The following ARHGEF4 variants were observed in gnomAD, a reference collection of about 807,000 sequenced individuals.
ARHGEF4 encodes the protein Rho guanine nucleotide exchange factor 4, also known as APC-stimulated guanine nucleotide exchange factor 1.
A neutral mutation model predicts 162.0 loss-of-function variants in ARHGEF4; 119 were observed. The observed-to-expected ratio is 0.73, with a 90% CI of 0.63 to 0.86. ARHGEF4 has a LOEUF of 0.86. Among genes scored for constraint, ARHGEF4 ranks in the 40% least tolerant of loss-of-function variants. ARHGEF4 has a pLI of 0.00. For missense variants in ARHGEF4, 2,488 were observed against 2,456.0 expected (o/e 1.01, Z -0.28); for synonymous variants, 1,014 against 979.9 (o/e 1.03, Z -0.65).
At chr2:130,951,730 G>A (rs545929665) in intron 4 of ARHGEF4, among the ~76,000 whole-genome samples, 11 of 151,810 alleles carry the variant, frequency 7.2e-5, no homozygotes, top group African/African-American at 2.4e-4. Flanking sequence ...AGCGTTTCAT[G>A]TATATATATA....
At chr2:130,855,517 C>A (rs924640098) in intron 1 of ARHGEF4, among the ~76,000 whole-genome samples, 1 of 152,212 alleles carries the variant, frequency 6.6e-6, no homozygotes, top group Non-Finnish European at 1.5e-5. Context: ...GCTTAATCTT[C>A]AGCAACAATG....
At chr2:130,887,974 T>C (rs1679622674) in intron 1 of ARHGEF4, among the ~76,000 whole-genome samples, 1 of 152,122 alleles carries the variant, frequency 6.6e-6, no homozygotes, top group Admixed American at 6.5e-5. Flanking sequence ...GCTGTGTGCC[T>C]GGAAATGGGA....
chr2:130,866,444 T>C (rs1450399694), intron 1 of ARHGEF4, among the ~76,000 whole-genome samples: 1 of 152,176 alleles, frequency 6.6e-6, no homozygotes, highest in African/African-American at 2.4e-5. Context: ...ACCTTAGTCC[T>C]CTGGTGCTAC....
At chr2:130,936,905 C>CTTTTTTTTTTTTTTTTTTTTTTT (rs36086542) in intron 3 of ARHGEF4, among the ~76,000 whole-genome samples, 11 of 82,330 alleles carry the variant, frequency 1.3e-4, no homozygotes, top group East Asian at 7.4e-4. Context: ...TTTCTTTTTT[C>CTTTTTTTTTTTTTTTTTTTTTTT]TTTTTTTTTT....
chr2:131,036,743 C>T (rs1281489282), intron 5 of ARHGEF4, among the ~76,000 whole-genome samples: 1 of 152,214 alleles, frequency 6.6e-6, no homozygotes, highest in Non-Finnish European at 1.5e-5. Context: ...AGAAGGGAAG[C>T]AGTGGGAAAA....
chr2:130,854,588 C>A (rs1681628202), intron 1 of ARHGEF4, among the ~76,000 whole-genome samples: 3 of 152,214 alleles, frequency 2.0e-5, no homozygotes, highest in African/African-American at 7.2e-5. Context: ...ACACCCAACC[C>A]ACGCTATAGG....
Position 131,044,413 on chromosome 2 carries a change from G to A in ARHGEF4, c.5272G>A (p.Ala1758Thr), listed in dbSNP as rs1435957740. 3.2e-6 allele frequency: 5 copies of A among 1,575,646 alleles called. No individual in the cohort carries two copies. The highest frequency in any genetic ancestry group is 1.2e-5 in the South Asian group (1 of 85,976). The change falls in exon 12 of 14, where the codon GCC (alanine) becomes ACC (threonine). Residue 1758 changes from alanine (A) to threonine (T), a missense_variant. Physicochemically the swap from Ala to Thr is moderately conservative, Grantham distance 58. Coordinates refer to ENST00000409359, the MANE Select transcript of ARHGEF4 (RefSeq NM_001367493.1). ...AGACCTCCATGTGAGCATCAAGAACGCCTTCCGGCTGCACCGTGGCGCCAC... is the reference window on the plus strand; with the variant it reads ...AGACCTCCATGTGAGCATCAAGAACACCTTCCGGCTGCACCGTGGCGCCAC... Reference protein sequence around the residue: ...DRDLHVSIKNAFRLHRGATGD... With the variant: ...DRDLHVSIKNTFRLHRGATGD...
chr2:130,889,194 A>G (rs1279951503), intron 1 of ARHGEF4, among the ~76,000 whole-genome samples: 3 of 152,068 alleles, frequency 2.0e-5, no homozygotes, highest in African/African-American at 7.3e-5. Context: ...TTAACTTACC[A>G]AATTATACAG....
At chr2:130,898,495 C>T (rs982146208) in intron 1 of ARHGEF4, among the ~76,000 whole-genome samples, 3 of 152,120 alleles carry the variant, frequency 2.0e-5, no homozygotes, top group Non-Finnish European at 4.4e-5. Flanking sequence ...AGGCAGTGAA[C>T]GAGTAAATTT....
At chr2:130,968,454 C>T (rs188390228) in intron 4 of ARHGEF4, among the ~76,000 whole-genome samples, 8 of 152,314 alleles carry the variant, frequency 5.3e-5, no homozygotes, top group Non-Finnish European at 8.8e-5. Context: ...AGAGGACTAA[C>T]ATAAACAAAT....
chr2:130,950,365 G>A (rs989615637), intron 4 of ARHGEF4, among the ~76,000 whole-genome samples: 8 of 152,094 alleles, frequency 5.3e-5, no homozygotes, highest in African/African-American at 1.4e-4. Flanking sequence ...GTACATCTCT[G>A]AGAGTCCCTG....
intron 5 of ARHGEF4, among the ~76,000 whole-genome samples, chr2:131,029,850 G>A (rs1416198093): frequency 2.0e-5 from 3 of 152,172 alleles, no homozygotes; most frequent in Non-Finnish European, 2.9e-5. Flanking sequence ...CACCACACTC[G>A]GCCAGTTGTA....
chr2:130,884,244 G>A (rs148086175), intron 1 of ARHGEF4, among the ~76,000 whole-genome samples: 5 of 148,236 alleles, frequency 3.4e-5, no homozygotes, highest in Non-Finnish European at 5.9e-5. Context: ...ACACACACAC[G>A]CATACACATG....
At chr2:130,847,221 G>C (rs555601671) in intron 1 of ARHGEF4, among the ~76,000 whole-genome samples, 1 of 152,188 alleles carries the variant, frequency 6.6e-6, no homozygotes, top group East Asian at 1.9e-4. Flanking sequence ...TGGCCTTTCC[G>C]GACACTGCTC....
chr2:130,897,242 A>G (rs1680213838), intron 1 of ARHGEF4, among the ~76,000 whole-genome samples: 1 of 152,168 alleles, frequency 6.6e-6, no homozygotes, highest in Non-Finnish European at 1.5e-5. Flanking sequence ...CAGCATGTGG[A>G]TAAGTGAACA....
At chr2:130,942,152 CTTTTTTT>C (rs36087462) in intron 3 of ARHGEF4, among the ~76,000 whole-genome samples, 5 of 129,858 alleles carry the variant, frequency 3.9e-5, no homozygotes, top group Admixed American at 3.2e-4. Flanking sequence ...TTTCTTTTTT[CTTTTTTT>C]TTTTTTTTGA....
chr2:130,897,886 A>G (rs551085642), intron 1 of ARHGEF4, among the ~76,000 whole-genome samples: 1 of 152,332 alleles, frequency 6.6e-6, no homozygotes, highest in Non-Finnish European at 1.5e-5. Flanking sequence ...CAAAAGAGGT[A>G]ATGAACGTGA....
chr2:130,907,174 C>T (rs1680865221), intron 1 of ARHGEF4, among the ~76,000 whole-genome samples: 1 of 151,020 alleles, frequency 6.6e-6, no homozygotes, highest in South Asian at 2.1e-4. Context: ...CACTTATGGT[C>T]CTTCCAAGTT....
In ARHGEF4 at chr2:130,979,299, A is replaced by T. The variant is rs576199899; in HGVS notation, c.3985+32664A>T. On this transcript the variant is annotated intron_variant, in intron 4 of 13. Transcript: ENST00000409359. ...CATCTATATAAATATAACTTGAAGG[A>T]AGCTAAACACCACCTCAGATTTGAC... Among the ~76,000 whole-genome samples, 8 of 152,324 alleles carry T rather than the reference A, an allele frequency of 5.3e-5. No individual in the cohort carries two copies. In the South Asian group the frequency reaches 8.3e-4, roughly 16 times the overall value.
Sources: allele counts gnomAD v4.1 joint callset (sites outside exome capture counted in the v4.1 genomes callset), GRCh38; gene constraint gnomAD v4.1.1; transcripts MANE v1.5; gene names NCBI Gene and HGNC (gene_info 2026-07-23, HGNC 2026-07-21).